Variants in PKIB observed in about 807,000 individuals in gnomAD.
PKIB encodes cAMP-dependent protein kinase inhibitor beta.
Under a neutral mutation model 4.5 loss-of-function variants are expected in PKIB, and 2 were observed. The ratio of observed to expected loss-of-function variants is 0.44; its 90% CI spans 0.18 to 1.39. The LOEUF is 1.39. PKIB is among the 40% of genes most tolerant of loss of function. The probability of loss-of-function intolerance (pLI) is 0.27; values close to 1 mark genes in which losing one functional copy is unlikely to be tolerated. For synonymous variants in PKIB, 38 were observed against 36.0 expected, an observed-to-expected ratio of 1.06 and a Z score of -0.20; for missense variants, 94 against 92.6, an observed-to-expected ratio of 1.02 and a Z score of -0.06.
chr6:122,657,884 C>G (rs952189611), intron 2 of PKIB, among the ~76,000 whole-genome samples: 4 of 152,180 alleles, frequency 2.6e-5, no homozygotes, highest in Non-Finnish European at 5.9e-5. Flanking sequence ...AGGGACATAA[C>G]TAAAGATAAG....
chr6:122,634,756 A>G (rs1775845895), intron 2 of PKIB, among the ~76,000 whole-genome samples: 1 of 152,102 alleles, frequency 6.6e-6, no homozygotes, highest in Non-Finnish European at 1.5e-5. Context: ...ATTTAAATTT[A>G]TGTCAACATG....
chr6:122,687,982 G>A (rs894734824), intron 3 of PKIB, among the ~76,000 whole-genome samples: 1 of 151,624 alleles, frequency 6.6e-6, no homozygotes, highest in African/African-American at 2.4e-5. Flanking sequence ...AGGACTTCCA[G>A]TACTATGTTG....
chr6:122,572,007 A>G (rs985258371), intron 2 of PKIB, among the ~76,000 whole-genome samples: 5 of 152,094 alleles, frequency 3.3e-5, no homozygotes, highest in African/African-American at 1.2e-4. Context: ...ATCTAACACA[A>G]AAGGACTCAC....
At chr6:122,676,977 C>T (rs1777698474) in intron 3 of PKIB, among the ~76,000 whole-genome samples, 2 of 152,098 alleles carry the variant, frequency 1.3e-5, no homozygotes, top group Non-Finnish European at 2.9e-5. Context: ...CCTGTCTTTA[C>T]TACATTGTTT....
At chr6:122,478,293 G>C (rs1356678002) in intron 2 of PKIB, 1 of 152,128 alleles carries the variant, frequency 6.6e-6, no homozygotes, top group African/African-American at 2.4e-5. Context: ...TGACTTACTT[G>C]TATTTTGTGG....
chr6:122,584,813 G>A (rs989082172), intron 2 of PKIB, among the ~76,000 whole-genome samples: 1 of 152,006 alleles, frequency 6.6e-6, no homozygotes, highest in African/African-American at 2.4e-5. Context: ...GAGATAGGAC[G>A]TGGGATGCAA....
At chr6:122,515,235 A>T (rs1452999218) in intron 2 of PKIB, among the ~76,000 whole-genome samples, 1 of 152,194 alleles carries the variant, frequency 6.6e-6, no homozygotes, top group Non-Finnish European at 1.5e-5. Context: ...TCCAGGTATA[A>T]ATAAACAATA....
In PKIB at chr6:122,723,278, A is replaced by G. The variant is rs1036507729; in HGVS notation, c.170-1850A>G. On this transcript the variant is annotated intron_variant, in intron 4 of 4. Coordinates refer to ENST00000368452, the MANE Select transcript of PKIB (RefSeq NM_181795.3). ...TGGAGCTCTCCTGAACTGCACACTCATATACTAATTGCCTAATTGGCGTCT... is the reference window on the plus strand; with the variant it reads ...TGGAGCTCTCCTGAACTGCACACTCGTATACTAATTGCCTAATTGGCGTCT... 2.0e-4 allele frequency among the ~76,000 whole-genome samples: 30 copies of G among 152,298 alleles called. 2 individuals carry two copies. Among genetic ancestry groups the G allele is most frequent in the South Asian group, 8.3e-4 (4 of 4,830 alleles).
intron 1 of PKIB, among the ~76,000 whole-genome samples, chr6:122,473,482 C>A (rs1265046189): frequency 1.3e-5 from 2 of 151,986 alleles, no homozygotes; most frequent in Non-Finnish European, 2.9e-5. Flanking sequence ...TAACACTTGG[C>A]CTTGAAATAC....
At chr6:122,517,618 C>T (rs1024647157) in intron 2 of PKIB, among the ~76,000 whole-genome samples, 10 of 152,212 alleles carry the variant, frequency 6.6e-5, no homozygotes, top group African/African-American at 2.4e-4. Context: ...GTGGCACTTA[C>T]AGCTGCAGCA....
At chr6:122,659,841 A>G (rs906234087) in intron 2 of PKIB, among the ~76,000 whole-genome samples, 2 of 152,246 alleles carry the variant, frequency 1.3e-5, no homozygotes, top group African/African-American at 4.8e-5. Context: ...GTTCCTGCTC[A>G]TGCTATATTT....
intron 2 of PKIB, among the ~76,000 whole-genome samples, chr6:122,571,921 T>G (rs1773376949): frequency 6.6e-6 from 1 of 152,144 alleles, no homozygotes; most frequent in African/African-American, 2.4e-5. Flanking sequence ...GCCTAAATGC[T>G]TCACTTGAAA....
chr6:122,493,276 G>C (rs1775988043), intron 2 of PKIB: 1 of 152,188 alleles, frequency 6.6e-6, no homozygotes, highest in African/African-American at 2.4e-5. Context: ...ATTGGCTCCA[G>C]AGAGCTCCTT....
At chr6:122,582,900 A>T (rs1055105634) in intron 2 of PKIB, among the ~76,000 whole-genome samples, 4 of 152,030 alleles carry the variant, frequency 2.6e-5, no homozygotes, top group African/African-American at 7.2e-5. Context: ...ATATGGTCAC[A>T]TTATTCTTGC....
At chr6:122,708,142 A>C (rs565174283) in intron 3 of PKIB, among the ~76,000 whole-genome samples, 2 of 152,296 alleles carry the variant, frequency 1.3e-5, no homozygotes, top group African/African-American at 2.4e-5. Context: ...CAACAACTGC[A>C]ATCATAAGTA....
chr6:122,633,626 G>T (rs1373126137), intron 2 of PKIB, among the ~76,000 whole-genome samples: 1 of 152,076 alleles, frequency 6.6e-6, no homozygotes, highest in Non-Finnish European at 1.5e-5. Flanking sequence ...AAGTGAGCTT[G>T]GTTTGATATT....
At chr6:122,562,822 C>T (rs1002212922) in intron 2 of PKIB, among the ~76,000 whole-genome samples, 7 of 151,786 alleles carry the variant, frequency 4.6e-5, no homozygotes, top group African/African-American at 1.7e-4. Flanking sequence ...TTGTTTTTTT[C>T]CTTAAGCTAT....
chr6:122,570,754 CAAAT>C (rs1483807534), intron 2 of PKIB, among the ~76,000 whole-genome samples: 5 of 152,000 alleles, frequency 3.3e-5, no homozygotes, highest in African/African-American at 1.2e-4. Flanking sequence ...AAACCACAGT[CAAAT>C]AAAAATAAAT....
At chr6:122,659,022 A>C (rs760804352) in intron 2 of PKIB, among the ~76,000 whole-genome samples, 1 of 151,970 alleles carries the variant, frequency 6.6e-6, no homozygotes, top group African/African-American at 2.4e-5. Context: ...GCAACTTTTC[A>C]TAAGGAATGA....
Sources: allele counts gnomAD v4.1 joint callset (sites outside exome capture counted in the v4.1 genomes callset), GRCh38; gene constraint gnomAD v4.1.1; transcripts MANE v1.5; gene names NCBI Gene and HGNC (gene_info 2026-07-23, HGNC 2026-07-21).